CLASP2: variants seen among roughly 807,000 people sequenced by gnomAD.
CLASP2 encodes CLIP-associating protein 2.
In CLASP2, 47 loss-of-function variants were observed where a neutral mutation model predicts 194.4. That is an observed-to-expected ratio of 0.24 (90% CI 0.19 to 0.31). The LOEUF is 0.31. Ranked by LOEUF, CLASP2 falls within the 10% of genes least tolerant of loss-of-function variation. The pLI is 1.00. For missense variants in CLASP2, 1,445 were observed against 1,823.6 expected, an observed-to-expected ratio of 0.79 and a Z score of 3.78; for synonymous variants, 619 against 633.5, an observed-to-expected ratio of 0.98 and a Z score of 0.34.
chr3:33,718,159 A>G lies in CLASP2; in HGVS notation c.-157T>C. ...CGCAGCGGGCGGCGGGAGGAACGCC[A>G]AGCGCCCAGCCGCCCCCAAACTAGT... On this transcript the variant is annotated 5_prime_UTR_variant, in exon 1 of 39. Coordinates refer to ENST00000682230, the MANE Select transcript of CLASP2 (RefSeq NM_001365631.1). 1.6e-6 allele frequency: 1 copy of G among 642,430 alleles called. No individual in the cohort carries two copies. Among genetic ancestry groups the G allele is most frequent in the Non-Finnish European group, 2.4e-6 (1 of 424,042 alleles). 39.8% of individuals were successfully genotyped at this position (642,430 alleles called of 1,614,324 possible). A position where few individuals can be genotyped will look rare whatever the true frequency, so the allele number is the denominator to read the frequency against.
chr3:33,602,540 G>C (rs1431360756), intron 18 of CLASP2: 1 of 762,948 alleles, frequency 1.3e-6, no homozygotes, highest in Non-Finnish European at 2.4e-6. Flanking sequence ...GGTTTGGTTA[G>C]ACAGAGTAGA....
chr3:33,567,970 G>A (rs1200862749), intron 26 of CLASP2, among the ~76,000 whole-genome samples: 2 of 152,088 alleles, frequency 1.3e-5, no homozygotes, highest in Admixed American at 6.5e-5. Context: ...TACATTTGCT[G>A]ATTTATGGTC....
rs945916299 is a variant in CLASP2, at chr3:33,586,150, C to G, written c.2069-1230G>C. Among the ~76,000 whole-genome samples, 3 of 151,658 alleles carry G rather than the reference C, an allele frequency of 2.0e-5. No homozygotes were observed. The South Asian group carries it at 6.3e-4, about 32-fold the overall frequency. Reference sequence around the variant, plus strand: ...CTTTTCTTTCTTTTCTTTTTTCCCCCCCGAGACAGAGTCTTGCTCTGTCAC... The same window carrying G: ...CTTTTCTTTCTTTTCTTTTTTCCCCGCCGAGACAGAGTCTTGCTCTGTCAC... On this transcript the variant is annotated intron_variant, in intron 21 of 38. Transcript: ENST00000682230.
rs1450409554 is a variant in CLASP2, at chr3:33,606,602, C to T, written c.1683G>A (p.Gln561=). The change falls in exon 16 of 39, where the codon CAG becomes CAA. Residue 561 remains glutamine, a synonymous_variant. Coordinates refer to ENST00000682230, the MANE Select transcript of CLASP2 (RefSeq NM_001365631.1). The stretch of plus-strand genomic sequence containing the variant: ...TTATATGACCTTACTTGAGACTTTC[C>T]TGTGAGCTGGATGAGGACCTGTCTG... ...PQSDRSSSSS[Q]ESLNRPFSSK... 6.2e-7 allele frequency: 1 copy of T among 1,612,766 alleles called. No homozygotes were observed. The highest frequency in any genetic ancestry group is 8.5e-7 in the Non-Finnish European group (1 of 1,179,494).
chr3:33,512,719 G>A (rs954462005), intron 36 of CLASP2, among the ~76,000 whole-genome samples: 4 of 148,536 alleles, frequency 2.7e-5, no homozygotes, highest in Non-Finnish European at 4.5e-5. Flanking sequence ...GGCCAGGAGT[G>A]GTGGCTCAGC....
chr3:33,570,515 T>C (rs1294528507), intron 26 of CLASP2, among the ~76,000 whole-genome samples: 3 of 152,172 alleles, frequency 2.0e-5, no homozygotes, highest in African/African-American at 7.2e-5. Flanking sequence ...TCCCCTTTAT[T>C]TCAGTCTTAG....
chr3:33,517,168 G>T lies in CLASP2; in HGVS notation c.3794C>A (p.Ser1265Tyr). ...DDADQFPDDL[S>Y]LDHSDLVAEL... ...TGCAACTAGGTCAGAATGATCTAGG[G>T]AAAGATCTGTCAAAAGGACATGGTA... The change falls in exon 35 of 39, where the codon TCC (serine) becomes TAC (tyrosine). Residue 1265 changes from serine to tyrosine, a missense_variant. Around this residue, in one of 4 missense-constraint regions of CLASP2, gnomAD observed 732 missense variants for 987.9 expected, o/e 0.74. Coordinates refer to ENST00000682230, the MANE Select transcript of CLASP2 (RefSeq NM_001365631.1). The T allele has an allele frequency of 6.2e-7, 1 of 1,609,640 alleles. No individual in the cohort carries two copies. Among genetic ancestry groups the T allele is most frequent in the Non-Finnish European group, 8.5e-7 (1 of 1,178,500 alleles).
chr3:33,604,440 C>G (rs2073222302), intron 16 of CLASP2, among the ~76,000 whole-genome samples: 1 of 151,688 alleles, frequency 6.6e-6, no homozygotes, highest in Admixed American at 6.6e-5. Context: ...ACCTCAATCT[C>G]TCAAGTTACC....
intron 1 of CLASP2, among the ~76,000 whole-genome samples, chr3:33,707,750 G>A (rs1333388100): frequency 1.3e-5 from 2 of 152,098 alleles, no homozygotes; most frequent in African/African-American, 2.4e-5. Flanking sequence ...AAAACAGATG[G>A]AACAGTCAAA....
chr3:33,535,291 G>C lies in CLASP2; in HGVS notation c.3729C>G (p.Phe1243Leu). 3 of 1,613,940 alleles carry C rather than the reference G, an allele frequency of 1.9e-6. No homozygotes were observed. In the East Asian group the frequency reaches 6.7e-5, roughly 36 times the overall value. ...TGGCTTCCTTGAGGGCAGACTTGTTGAAGGGACTGATGCTATCTGAATAGT... is the reference window on the plus strand; with the variant it reads ...TGGCTTCCTTGAGGGCAGACTTGTTCAAGGGACTGATGCTATCTGAATAGT... ...PYNYSDSISP[F>L]NKSALKEAMF... Residue 1243 changes from phenylalanine to leucine, a missense_variant, in exon 34 of 39, where the codon TTC (phenylalanine) becomes TTG (leucine). Around this residue, in one of 4 missense-constraint regions of CLASP2, gnomAD observed 732 missense variants for 987.9 expected, o/e 0.74. Transcript: ENST00000682230.
chr3:33,580,708 T>A (rs2154209219), intron 23 of CLASP2, among the ~76,000 whole-genome samples: 1 of 151,998 alleles, frequency 6.6e-6, no homozygotes, highest in East Asian at 1.9e-4. Context: ...TACAGTAAAC[T>A]ACACTGTGTT....
At chr3:33,605,268 T>C (rs902470271) in intron 16 of CLASP2, among the ~76,000 whole-genome samples, 1 of 152,178 alleles carries the variant, frequency 6.6e-6, no homozygotes, top group South Asian at 2.1e-4. Flanking sequence ...GTATATACTT[T>C]AAAGTCTGAG....
chr3:33,606,931 CT>C (rs948089371), intron 15 of CLASP2, among the ~76,000 whole-genome samples, 173 bp from the exon 16 acceptor site: 108 of 152,318 alleles, frequency 7.1e-4, no homozygotes, highest in African/African-American at 2.5e-3. Context: ...AGACTGAAGG[CT>C]TTTGAGAAAA....
intron 13 of CLASP2, among the ~76,000 whole-genome samples, chr3:33,610,020 G>A (rs569353134): frequency 5.7e-4 from 87 of 152,226 alleles, no homozygotes; most frequent in African/African-American, 2.1e-3. Flanking sequence ...CAATTATCAA[G>A]TCTCATTTCT....
rs530059839 is a variant in CLASP2 at position 33,531,478 on chromosome 3, T to C, written c.3787+3755A>G. ...TTACTAATCATTAGGGAAATGCAAA[T>C]CAAAACTACAATGACGGCCAGGTGC... On this transcript the variant is annotated intron_variant, in intron 34 of 38. Transcript: ENST00000682230. Among the ~76,000 whole-genome samples, 4 of 152,136 alleles carry C rather than the reference T, an allele frequency of 2.6e-5. No individual in the cohort carries two copies. The East Asian group carries it at 7.7e-4, about 29-fold the overall frequency.
At position 33,718,204 on chromosome 3, in the gene CLASP2, T is replaced by C; in HGVS notation, c.-202A>G. The stretch of plus-strand genomic sequence containing the variant: ...ACTAGTCAAACTCGGCGCCCCCCGA[T>C]CCCCAGCCCGCTTCAGAGGCCGCGG... On this transcript the variant is annotated 5_prime_UTR_variant, in exon 1 of 39. Coordinates refer to ENST00000682230, the MANE Select transcript of CLASP2 (RefSeq NM_001365631.1). 1 of 336,960 alleles carries C rather than the reference T, an allele frequency of 3.0e-6. No individual in the cohort carries two copies. The highest frequency in any genetic ancestry group is 5.3e-6 in the Non-Finnish European group (1 of 187,916). 20.9% of individuals were successfully genotyped at this position (336,960 alleles called of 1,614,324 possible). A position where few individuals can be genotyped will look rare whatever the true frequency, so the allele number is the denominator to read the frequency against.
chr3:33,588,863 G>T (rs2068016174), intron 21 of CLASP2: 2 of 599,636 alleles, frequency 3.3e-6, no homozygotes, highest in Admixed American at 6.0e-5. Flanking sequence ...AAACCCTAAG[G>T]CAAAAAAAGC....
intron 27 of CLASP2, among the ~76,000 whole-genome samples, chr3:33,565,931 G>A (rs937479255): frequency 4.6e-5 from 7 of 152,036 alleles, no homozygotes; most frequent in African/African-American, 1.7e-4. Context: ...ATGTTTTGGG[G>A]AGTTAAAAAT....
intron 8 of CLASP2, among the ~76,000 whole-genome samples, chr3:33,638,374 G>A (rs1426100313): frequency 2.0e-5 from 3 of 151,868 alleles, no homozygotes; most frequent in African/African-American, 2.4e-5. Context: ...GCGCAATCTC[G>A]GCTCACTGCA....
Sources: allele counts gnomAD v4.1 joint callset (sites outside exome capture counted in the v4.1 genomes callset), GRCh38; gene constraint gnomAD v4.1.1; regional missense constraint gnomAD v4.1.1; transcripts MANE v1.5; gene names NCBI Gene and HGNC (gene_info 2026-07-23, HGNC 2026-07-21).